The following PRR16 variants were observed in gnomAD, a reference collection of about 807,000 sequenced individuals.
The protein encoded by PRR16 is protein Largen.
PRR16 carries 6 observed loss-of-function variants against 18.2 expected under a neutral mutation model. That is an observed-to-expected ratio of 0.33 (90% CI 0.18 to 0.65). PRR16 has a LOEUF of 0.65. Among genes scored for constraint, PRR16 ranks in the 30% least tolerant of loss-of-function variants. The pLI is 0.74. For synonymous variants in PRR16, 151 were observed against 147.8 expected (o/e 1.02, Z -0.16); for missense variants, 412 against 376.6 (o/e 1.09, Z -0.78).
At chr5:120,713,297 T>C in the PRR16 span, among the ~76,000 whole-genome samples, 2 of 152,178 alleles carry the variant, frequency 1.3e-5, no homozygotes, top group African/African-American at 4.8e-5. Flanking sequence ...GTAACCTAGA[T>C]ACATAAATGT....
chr5:120,524,534 G>A (rs1204134072), intron 1 of PRR16, among the ~76,000 whole-genome samples: 1 of 152,098 alleles, frequency 6.6e-6, no homozygotes, highest in East Asian at 1.9e-4. Flanking sequence ...GGGAAGGGTA[G>A]TGTGGGGAAC....
intron 1 of PRR16, among the ~76,000 whole-genome samples, chr5:120,589,464 C>A (rs1230940773): frequency 6.6e-6 from 1 of 152,126 alleles, no homozygotes; most frequent in Non-Finnish European, 1.5e-5. Flanking sequence ...ACTTCACACA[C>A]AGGCTTAGTA....
chr5:120,548,647 T>G (rs911203918), intron 1 of PRR16, among the ~76,000 whole-genome samples: 6 of 152,000 alleles, frequency 3.9e-5, no homozygotes, highest in African/African-American at 1.4e-4. Context: ...TTGTGCTTGT[T>G]CTTTTGTTGT....
At chr5:120,499,207 T>A (rs533939082) in intron 1 of PRR16, among the ~76,000 whole-genome samples, 11 of 152,086 alleles carry the variant, frequency 7.2e-5, no homozygotes, top group Admixed American at 2.0e-4. Context: ...CCTACCGGGT[T>A]CCAGCGACTC....
At chr5:120,750,712 C>G in the PRR16 span, among the ~76,000 whole-genome samples, 1 of 151,882 alleles carries the variant, frequency 6.6e-6, no homozygotes, top group Non-Finnish European at 1.5e-5. Context: ...ATTTATGAGG[C>G]ACATGTGTTA....
intron 1 of PRR16, among the ~76,000 whole-genome samples, chr5:120,491,678 G>A (rs1187765948): frequency 1.3e-5 from 2 of 151,860 alleles, no homozygotes; most frequent in East Asian, 1.9e-4. Context: ...TGAGTAGCTG[G>A]GATTACAGCC....
At chr5:120,721,202 A>G in the PRR16 span, among the ~76,000 whole-genome samples, 1 of 152,098 alleles carries the variant, frequency 6.6e-6, no homozygotes, top group Non-Finnish European at 1.5e-5. Context: ...GATTTTTCTA[A>G]GAACATAGAG....
chr5:120,537,379 A>T (rs1319556201), intron 1 of PRR16, among the ~76,000 whole-genome samples: 1 of 152,214 alleles, frequency 6.6e-6, no homozygotes, highest in Non-Finnish European at 1.5e-5. Context: ...AGACTAGGGT[A>T]TAATGTTACA....
At chr5:120,693,377 A>G in the PRR16 span, among the ~76,000 whole-genome samples, 2 of 152,230 alleles carry the variant, frequency 1.3e-5, no homozygotes, top group Non-Finnish European at 2.9e-5. Flanking sequence ...AACAATATCA[A>G]CAGAAGGATG....
At chr5:120,514,374 T>C (rs1339447953) in intron 1 of PRR16, among the ~76,000 whole-genome samples, 2 of 152,158 alleles carry the variant, frequency 1.3e-5, no homozygotes, top group Non-Finnish European at 2.9e-5. Context: ...TTGGTCCCCT[T>C]AGTATTCTCT....
intron 1 of PRR16, among the ~76,000 whole-genome samples, chr5:120,660,429 TTAAAG>T (rs1269384029): frequency 1.3e-5 from 2 of 152,122 alleles, no homozygotes; most frequent in Admixed American, 6.6e-5. Flanking sequence ...TATTATAGAA[TTAAAG>T]TATTCAAAAC....
At chr5:120,793,105 T>C in the PRR16 span, among the ~76,000 whole-genome samples, 9 of 152,184 alleles carry the variant, frequency 5.9e-5, no homozygotes, top group Non-Finnish European at 1.3e-4. Context: ...CGAACCAAGA[T>C]TGTGCCACTG....
chr5:120,699,722 C>T, the PRR16 span, among the ~76,000 whole-genome samples: 3 of 152,038 alleles, frequency 2.0e-5, no homozygotes, highest in African/African-American at 7.2e-5. Flanking sequence ...TCAAGTTGGA[C>T]AGAAAGGCTA....
intron 1 of PRR16, among the ~76,000 whole-genome samples, chr5:120,507,160 A>C (rs1561522382): frequency 6.6e-6 from 1 of 152,270 alleles, no homozygotes; most frequent in East Asian, 1.9e-4. Context: ...AGAAACTAGA[A>C]ACATAAGGGC....
intron 1 of PRR16, among the ~76,000 whole-genome samples, chr5:120,654,640 G>A (rs1294580312): frequency 1.3e-5 from 2 of 151,764 alleles, no homozygotes; most frequent in African/African-American, 4.8e-5. Context: ...GAGAGAAAAG[G>A]TAAACCTCAA....
intron 1 of PRR16, among the ~76,000 whole-genome samples, chr5:120,517,555 T>C (rs894928376): frequency 2.6e-5 from 4 of 152,180 alleles, no homozygotes; most frequent in African/African-American, 9.6e-5. Context: ...AAACATTTGA[T>C]GTTGATAAAA....
At chr5:120,561,427 A>T (rs536878608) in intron 1 of PRR16, among the ~76,000 whole-genome samples, 1 of 152,198 alleles carries the variant, frequency 6.6e-6, no homozygotes, top group Admixed American at 6.6e-5. Context: ...TTTGTTGCCA[A>T]CATTAATCTT....
At chr5:120,537,510 A>C (rs1751757972) in intron 1 of PRR16, among the ~76,000 whole-genome samples, 1 of 152,048 alleles carries the variant, frequency 6.6e-6, no homozygotes. Flanking sequence ...CCAATATAAA[A>C]ATATTTTATT....
intron 1 of PRR16, among the ~76,000 whole-genome samples, chr5:120,523,932 G>A (rs1201091046): frequency 1.3e-5 from 2 of 152,162 alleles, no homozygotes; most frequent in East Asian, 3.8e-4. Context: ...AAAGCAGAGA[G>A]GGAAGAATGT....
Sources: allele counts gnomAD v4.1 joint callset (sites outside exome capture counted in the v4.1 genomes callset), GRCh38; gene constraint gnomAD v4.1.1; transcripts MANE v1.5; gene names NCBI Gene and HGNC (gene_info 2026-07-23, HGNC 2026-07-21).